Variants in C12orf56 observed in about 807,000 individuals in gnomAD.
C12orf56 encodes chromosome 12 open reading frame 56.
C12orf56 carries 71 observed loss-of-function variants against 69.9 expected under a neutral mutation model. The observed-to-expected ratio is 1.02, with a 90% CI of 0.84 to 1.24. The LOEUF is 1.24. Among genes scored for constraint, C12orf56 ranks in the 50% most tolerant of loss-of-function variants. C12orf56 has a pLI of 0.00. For synonymous variants in C12orf56, 276 were observed against 274.1 expected (o/e 1.01, Z -0.07); for missense variants, 732 against 738.5 (o/e 0.99, Z 0.10).
At chr12:64,335,155 G>C (rs1430459885) in intron 2 of C12orf56, among the ~76,000 whole-genome samples, 1 of 152,076 alleles carries the variant, frequency 6.6e-6, no homozygotes, top group Non-Finnish European at 1.5e-5. Flanking sequence ...GGTGGCTCAT[G>C]CCTATAATCC....
At chr12:64,348,903 C>T (rs540990187) in intron 2 of C12orf56, among the ~76,000 whole-genome samples, 4 of 152,212 alleles carry the variant, frequency 2.6e-5, no homozygotes, top group Admixed American at 1.3e-4. Flanking sequence ...AAAAGAAAAA[C>T]GTAAGGACTC....
At chr12:64,380,479 T>C (rs1033138920) in intron 1 of C12orf56, among the ~76,000 whole-genome samples, 1 of 152,190 alleles carries the variant, frequency 6.6e-6, no homozygotes, top group Non-Finnish European at 1.5e-5. Context: ...GACACAGAGA[T>C]GAACAAGAGA....
rs529038787 is a variant in C12orf56 at position 64,354,248 on chromosome 12, T to A, written c.253-1192A>T. Among the ~76,000 whole-genome samples, 6 of 152,258 alleles carry A rather than the reference T, an allele frequency of 3.9e-5. No individual in the cohort carries two copies. The South Asian group carries it at 1.2e-3, about 32-fold the overall frequency. ...CTTCTCTGCAACAGCCTACTTCACT[T>A]TCTATGACAAGCAGCAATAACATTT... On this transcript the variant is annotated intron_variant, in intron 1 of 12. Coordinates refer to ENST00000543942, the MANE Select transcript of C12orf56 (RefSeq NM_001170633.2).
intron 2 of C12orf56, chr12:64,338,863 G>T: frequency 2.8e-6 from 2 of 710,506 alleles, no homozygotes; most frequent in South Asian, 1.6e-5. Flanking sequence ...TGGGAGGAAT[G>T]GGCAGAGGAA....
chr12:64,307,146 C>G (rs1301289724), intron 5 of C12orf56, among the ~76,000 whole-genome samples: 1 of 151,988 alleles, frequency 6.6e-6, no homozygotes, highest in African/African-American at 2.4e-5. Flanking sequence ...AAATAAAATA[C>G]CAAAATGAAA....
chr12:64,294,671 G>T (rs2038341069), intron 6 of C12orf56, among the ~76,000 whole-genome samples: 1 of 151,958 alleles, frequency 6.6e-6, no homozygotes, highest in Non-Finnish European at 1.5e-5. Context: ...GGGGCTGTGG[G>T]TTGCAGGGGT....
chr12:64,276,848 G>A (rs1262716574), intron 9 of C12orf56, among the ~76,000 whole-genome samples: 1 of 151,776 alleles, frequency 6.6e-6, no homozygotes, highest in Non-Finnish European at 1.5e-5. Context: ...ACAAAAATTA[G>A]CCAGGCGTGG....
intron 1 of C12orf56, among the ~76,000 whole-genome samples, chr12:64,364,016 T>A (rs11832026): frequency 0.039 from 5,878 of 151,202 alleles, 287 homozygotes; most frequent in African/African-American, 0.12. Context: ...TTTTTTTTTT[T>A]AAAAAAGAGT....
intron 2 of C12orf56, among the ~76,000 whole-genome samples, chr12:64,346,942 C>A (rs138582450): frequency 7.3e-5 from 11 of 151,564 alleles, no homozygotes; most frequent in Admixed American, 5.9e-4. Context: ...ATACCTATAT[C>A]TATATATATA....
At chr12:64,388,131 A>C (rs1170947376) in intron 1 of C12orf56, among the ~76,000 whole-genome samples, 1 of 151,982 alleles carries the variant, frequency 6.6e-6, no homozygotes, top group Non-Finnish European at 1.5e-5. Flanking sequence ...CACCACACCC[A>C]GTGGCGCATT....
intron 1 of C12orf56, among the ~76,000 whole-genome samples, chr12:64,370,976 G>A (rs191179868): frequency 7.9e-5 from 12 of 152,132 alleles, no homozygotes; most frequent in Admixed American, 2.0e-4. Flanking sequence ...CTCCACATTG[G>A]GCCATAGAGT....
intron 3 of C12orf56, among the ~76,000 whole-genome samples, chr12:64,319,942 G>A (rs895167615): frequency 1.3e-5 from 2 of 152,062 alleles, no homozygotes; most frequent in African/African-American, 4.8e-5. Context: ...TACGGCTCGA[G>A]CTGAGCTTTC....
intron 5 of C12orf56, among the ~76,000 whole-genome samples, chr12:64,312,443 A>G (rs2038632411): frequency 6.6e-6 from 1 of 152,142 alleles, no homozygotes; most frequent in Non-Finnish European, 1.5e-5. Context: ...TCCTGTCTCC[A>G]CTAAAAAATA....
At chr12:64,274,363 T>C (rs1565733589) in intron 11 of C12orf56, among the ~76,000 whole-genome samples, 1 of 152,196 alleles carries the variant, frequency 6.6e-6, no homozygotes, top group Non-Finnish European at 1.5e-5. Context: ...TTAAGGAGTT[T>C]AGTCTTCATT....
At chr12:64,293,652 C>G (rs976297583) in intron 6 of C12orf56, among the ~76,000 whole-genome samples, 6 of 152,216 alleles carry the variant, frequency 3.9e-5, no homozygotes, top group Non-Finnish European at 1.5e-5. Flanking sequence ...ATTATGACCT[C>G]CCATCTGCTC....
At chr12:64,382,715 A>G (rs1169408188) in intron 1 of C12orf56, among the ~76,000 whole-genome samples, 3 of 151,960 alleles carry the variant, frequency 2.0e-5, no homozygotes, top group Non-Finnish European at 4.4e-5. Context: ...TCTACTAAAA[A>G]TACAAAAATT....
At chr12:64,358,421 G>A (rs1481137534) in intron 1 of C12orf56, among the ~76,000 whole-genome samples, 1 of 150,892 alleles carries the variant, frequency 6.6e-6, no homozygotes, top group South Asian at 2.1e-4. Context: ...TCATGCCACT[G>A]CAATCCAGCC....
intron 2 of C12orf56, among the ~76,000 whole-genome samples, chr12:64,343,067 T>C (rs1006230211): frequency 2.0e-5 from 3 of 152,094 alleles, no homozygotes; most frequent in Admixed American, 6.5e-5. Context: ...AAATGAGGGA[T>C]GTCTTGCCTC....
chr12:64,362,336 G>C (rs1367338788), intron 1 of C12orf56, among the ~76,000 whole-genome samples: 1 of 152,156 alleles, frequency 6.6e-6, no homozygotes, highest in Non-Finnish European at 1.5e-5. Flanking sequence ...AGGGTTCATG[G>C]ATCAGGCACA....
Sources: gnomAD v4.1 joint callset for allele counts (sites outside exome capture counted in the v4.1 genomes callset) on GRCh38, gnomAD v4.1.1 for gene constraint, MANE v1.5 for transcripts, NCBI Gene and HGNC (gene_info 2026-07-23, HGNC 2026-07-21) for gene names.